The following LY86 variants were observed in gnomAD, a reference collection of about 807,000 sequenced individuals.
LY86 encodes the protein MD-1, RP105-associated.
Under a neutral mutation model 17.3 loss-of-function variants are expected in LY86, and 20 were observed. The observed-to-expected ratio is 1.15, with a 90% CI of 0.81 to 1.68. LY86 has a LOEUF of 1.68. Ranked by LOEUF, LY86 falls within the 40% of genes most tolerant of loss-of-function variation. The pLI, the probability that LY86 is intolerant of heterozygous loss-of-function variation, is 0.00. For missense variants in LY86, 200 were observed against 191.9 expected, an observed-to-expected ratio of 1.04 and a Z score of -0.25; for synonymous variants, 74 against 70.6, an observed-to-expected ratio of 1.05 and a Z score of -0.24.
At chr6:6,635,167 C>T (rs578242879) in intron 3 of LY86, among the ~76,000 whole-genome samples, 30 of 152,234 alleles carry the variant, frequency 2.0e-4, no homozygotes, top group African/African-American at 7.2e-4. Context: ...TTAACAGAAG[C>T]CTAAATTTAA....
In LY86 at chr6:6,588,875, G is replaced by C. The variant is rs1460437258; in HGVS notation, c.136+5G>C. The C allele has an allele frequency of 4.3e-6, 7 of 1,613,666 alleles. No homozygotes were observed. The African/African-American group carries it at 8.0e-5, about 18-fold the overall frequency. On this transcript the variant is annotated splice_donor_5th_base_variant and intron_variant, in intron 1 of 4. Transcript: ENST00000230568. The stretch of plus-strand genomic sequence containing the variant: ...AAGTGCTCTACCAGAGTTGCGGTAA[G>C]CCCTTGCAGTACACCCATGTGTGTT...
chr6:6,620,767 T>C (rs1426736829), intron 1 of LY86: 1 of 152,296 alleles, frequency 6.6e-6, no homozygotes, highest in Non-Finnish European at 1.5e-5. Flanking sequence ...TTGGAGCTGA[T>C]ATTTGTTCAA....
intron 1 of LY86, among the ~76,000 whole-genome samples, chr6:6,604,258 T>C (rs1032871795): frequency 9.2e-5 from 14 of 152,290 alleles, no homozygotes; most frequent in African/African-American, 3.1e-4. Context: ...AGCAAAATTC[T>C]ACCCAAACTG....
At chr6:6,609,723 C>A (rs866690085) in intron 1 of LY86, among the ~76,000 whole-genome samples, 1 of 151,848 alleles carries the variant, frequency 6.6e-6, no homozygotes, top group South Asian at 2.1e-4. Flanking sequence ...GAGGCAGCCA[C>A]GGACAATTCA....
chr6:6,612,392 C>T (rs954091017), intron 1 of LY86, among the ~76,000 whole-genome samples: 3 of 152,170 alleles, frequency 2.0e-5, no homozygotes, highest in African/African-American at 4.8e-5. Flanking sequence ...TTTATTTTCC[C>T]CCAGTGGGTA....
intron 3 of LY86, among the ~76,000 whole-genome samples, chr6:6,634,801 A>G (rs1168105775): frequency 6.6e-6 from 1 of 152,206 alleles, no homozygotes; most frequent in Non-Finnish European, 1.5e-5. Flanking sequence ...TTCTGTTTCA[A>G]TGTGCTCCTT....
At chr6:6,601,606 G>C (rs1414557047) in intron 1 of LY86, among the ~76,000 whole-genome samples, 1 of 152,134 alleles carries the variant, frequency 6.6e-6, no homozygotes, top group Non-Finnish European at 1.5e-5. Context: ...TGTAGTCCCA[G>C]CTACTCAGGA....
Position 6,601,504 on chromosome 6 carries a change from C to T in LY86, c.136+12634C>T, listed in dbSNP as rs192173203. Among the ~76,000 whole-genome samples the T allele has an allele frequency of 7.9e-5, 12 of 152,240 alleles. No individual in the cohort carries two copies. The East Asian group carries it at 2.1e-3, about 27-fold the overall frequency. ...TTGGGAGGCCGAGGCAGGCAGATCA[C>T]GAGGTCAGGAGATCGAGACCATCCT... On this transcript the variant is annotated intron_variant, in intron 1 of 4. Transcript: ENST00000230568.
chr6:6,619,072 G>A (rs954735242), intron 1 of LY86, among the ~76,000 whole-genome samples: 9 of 152,130 alleles, frequency 5.9e-5, no homozygotes, highest in African/African-American at 2.2e-4. Flanking sequence ...CTCCTGTAAA[G>A]GTCTACGGTG....
chr6:6,652,550 T>G lies in LY86; in HGVS notation c.406-1994T>G, dbSNP rs184508771. Among the ~76,000 whole-genome samples the G allele has an allele frequency of 2.0e-3, 306 of 152,324 alleles. 4 individuals are homozygous for G. The highest frequency in any genetic ancestry group is 0.01 in the Middle Eastern group (3 of 294). On this transcript the variant is annotated intron_variant, in intron 4 of 4. Coordinates refer to ENST00000230568, the MANE Select transcript of LY86 (RefSeq NM_004271.4). ...CCTGCTGTCCTCTGTCTATGCCTCC[T>G]GCTTTCTGAATGAAAATTTAGGGGA...
chr6:6,648,935 C>T (rs1762146257), intron 3 of LY86, among the ~76,000 whole-genome samples: 1 of 152,190 alleles, frequency 6.6e-6, no homozygotes, highest in South Asian at 2.1e-4. Context: ...TTGTTACAAT[C>T]TGGATATCGT....
intron 3 of LY86, among the ~76,000 whole-genome samples, chr6:6,632,146 C>G (rs888196996): frequency 1.3e-5 from 2 of 152,210 alleles, no homozygotes; most frequent in Non-Finnish European, 2.9e-5. Context: ...CACACCTGTG[C>G]TTTGACTCTG....
At chr6:6,628,677 T>C (rs1761846689) in intron 3 of LY86, among the ~76,000 whole-genome samples, 1 of 152,130 alleles carries the variant, frequency 6.6e-6, no homozygotes, top group African/African-American at 2.4e-5. Context: ...GAATTGAATT[T>C]TACGGTTAGT....
At chr6:6,608,057 C>T (rs1414416001) in intron 1 of LY86, among the ~76,000 whole-genome samples, 2 of 152,122 alleles carry the variant, frequency 1.3e-5, no homozygotes, top group Non-Finnish European at 2.9e-5. Context: ...CTACAGTGAA[C>T]AATACATTTA....
chr6:6,596,344 C>T (rs1356767381), intron 1 of LY86, among the ~76,000 whole-genome samples: 1 of 152,090 alleles, frequency 6.6e-6, no homozygotes, highest in Non-Finnish European at 1.5e-5. Flanking sequence ...CTACTTTCCT[C>T]AGAACCTAAT....
rs9392816 is a variant in LY86 at position 6,622,143 on chromosome 6, C to T, written c.137-2783C>T. Among the ~76,000 whole-genome samples, 88 of 152,336 alleles carry T rather than the reference C, an allele frequency of 5.8e-4. No homozygotes were observed. In the East Asian group the frequency reaches 0.017, roughly 29 times the overall value. On this transcript the variant is annotated intron_variant, in intron 1 of 4. Transcript: ENST00000230568. ...TTATATACATATCCTCAGAGAGATGCAGCCTACAGCTTTCTTTGTGACTTT... is the reference window on the plus strand; with the variant it reads ...TTATATACATATCCTCAGAGAGATGTAGCCTACAGCTTTCTTTGTGACTTT...
intron 3 of LY86, among the ~76,000 whole-genome samples, chr6:6,629,965 A>G (rs982823810): frequency 3.3e-5 from 5 of 152,248 alleles, no homozygotes; most frequent in African/African-American, 1.2e-4. Flanking sequence ...ATTATGTGAC[A>G]AAGAAGCATG....
At chr6:6,589,256 C>T (rs1356353915) in intron 1 of LY86, among the ~76,000 whole-genome samples, 1 of 152,206 alleles carries the variant, frequency 6.6e-6, no homozygotes, top group Non-Finnish European at 1.5e-5. Flanking sequence ...TACACCTGGG[C>T]TACCTTTCCA....
chr6:6,607,572 G>T (rs1761219645), intron 1 of LY86, among the ~76,000 whole-genome samples: 2 of 152,104 alleles, frequency 1.3e-5, no homozygotes, highest in African/African-American at 4.8e-5. Context: ...CATAAAGAAA[G>T]AAAACCCAAA....
Sources: allele counts gnomAD v4.1 joint callset (sites outside exome capture counted in the v4.1 genomes callset), GRCh38; gene constraint gnomAD v4.1.1; transcripts MANE v1.5; gene names NCBI Gene and HGNC (gene_info 2026-07-23, HGNC 2026-07-21).